The following AGAP1 variants were observed in gnomAD, a reference collection of about 807,000 sequenced individuals.
AGAP1 encodes arf-GAP with GTPase, ANK repeat and PH domain-containing protein 1.
AGAP1 carries 29 observed loss-of-function variants against 105.3 expected under a neutral mutation model. The observed-to-expected ratio is 0.28, with a 90% CI of 0.21 to 0.38. The LOEUF is 0.38. Ranked by LOEUF, AGAP1 falls within the 10% of genes least tolerant of loss-of-function variation. The pLI, the probability that AGAP1 is intolerant of heterozygous loss-of-function variation, is 1.00. For missense variants in AGAP1, 998 were observed against 1,165.1 expected, an observed-to-expected ratio of 0.86 and a Z score of 2.09; for synonymous variants, 509 against 485.9, an observed-to-expected ratio of 1.05 and a Z score of -0.63.
intron 12 of AGAP1, among the ~76,000 whole-genome samples, chr2:235,938,641 C>T (rs186393961): frequency 2.6e-5 from 4 of 152,276 alleles, no homozygotes; most frequent in Admixed American, 6.5e-5. Flanking sequence ...TCTGCAGAAA[C>T]GCTGTCAAGA....
Position 235,692,670 on chromosome 2 carries a change from T to TC in AGAP1, c.164-16508dup, listed in dbSNP as rs1401147190. Among the ~76,000 whole-genome samples, 1 of 151,782 alleles carries TC rather than the reference T, an allele frequency of 6.6e-6. No homozygotes were observed. The highest frequency in any genetic ancestry group is 1.5e-5 in the Non-Finnish European group (1 of 67,964). On this transcript the variant is annotated intron_variant, in intron 1 of 17. Coordinates refer to ENST00000304032, the MANE Select transcript of AGAP1 (RefSeq NM_001037131.3). The surrounding 1 kb of genome is among the most constrained non-coding windows in gnomAD (Gnocchi z 5.8). The stretch of plus-strand genomic sequence containing the variant: ...ACCCTCAGCCCTCAGGCCCAGCACC[T>TC]CAGAGAAGCCGATGACTGACGTGCA...
At chr2:235,571,036 C>T (rs1944495570) in intron 1 of AGAP1, among the ~76,000 whole-genome samples, 1 of 152,178 alleles carries the variant, frequency 6.6e-6, no homozygotes. Flanking sequence ...TGGCGGAAGG[C>T]AAAGGGGAAG....
At chr2:235,560,345 A>C in intron 1 of AGAP1, among the ~76,000 whole-genome samples, 1 of 150,682 alleles carries the variant, frequency 6.6e-6, no homozygotes, top group African/African-American at 2.4e-5. Context: ...TCCCGTCTCC[A>C]TCCCTCCCTC....
intron 16 of AGAP1, among the ~76,000 whole-genome samples, chr2:236,081,403 G>A (rs1445893842): frequency 6.6e-6 from 1 of 152,226 alleles, no homozygotes; most frequent in Non-Finnish European, 1.5e-5. Flanking sequence ...GAACCGCGCT[G>A]CATTTGGACG....
At position 235,874,607 on chromosome 2, in the gene AGAP1, A is replaced by T. The variant is rs1317257303; in HGVS notation, c.1051-8738A>T. Among the ~76,000 whole-genome samples the T allele has an allele frequency of 6.6e-6, 1 of 152,138 alleles. No individual in the cohort carries two copies. Among genetic ancestry groups the T allele is most frequent in the Non-Finnish European group, 1.5e-5 (1 of 68,022 alleles). On this transcript the variant is annotated intron_variant, in intron 9 of 17. Coordinates refer to ENST00000304032, the MANE Select transcript of AGAP1 (RefSeq NM_001037131.3). This position sits in a 1 kb window ranked among gnomAD's most constrained non-coding sequence, Gnocchi z 4.5. ...TGGGTGGGACTGGAGTGAGCTCAAG[A>T]TTCTGTGCAGGCCTCACTTGGATCA...
chr2:235,770,223 G>T (rs931913625), intron 6 of AGAP1, among the ~76,000 whole-genome samples: 2 of 151,486 alleles, frequency 1.3e-5, no homozygotes, highest in Admixed American at 6.6e-5. Context: ...CGCTCCCCGG[G>T]TTCATGCCAT....
chr2:235,684,593 T>G (rs1372298479), intron 1 of AGAP1, among the ~76,000 whole-genome samples: 2 of 152,318 alleles, frequency 1.3e-5, no homozygotes, highest in East Asian at 3.9e-4. Context: ...GAGCAGTGTC[T>G]TAGAAATGAG....
chr2:236,047,645 G>A (rs13415965), intron 15 of AGAP1, among the ~76,000 whole-genome samples: 10,818 of 120,988 alleles, frequency 0.089, 1,755 homozygotes, highest in African/African-American at 0.33. Context: ...TGTCACCCAG[G>A]CTGGAGTGCA....
In AGAP1 at chr2:235,552,611, C is replaced by T. The variant is rs1016347128; in HGVS notation, c.163+57762C>T. ...TCCCATTGGCCAGGCACTGGGGATG[C>T]GGCGTATGGGCAGGTGCACACACAC... On this transcript the variant is annotated intron_variant, in intron 1 of 17. Transcript: ENST00000304032. The surrounding 1 kb of genome is among the most constrained non-coding windows in gnomAD (Gnocchi z 5.9). 2.6e-5 allele frequency among the ~76,000 whole-genome samples: 4 copies of T among 152,108 alleles called. No individual in the cohort carries two copies. Among genetic ancestry groups the T allele is most frequent in the South Asian group, 4.2e-4 (2 of 4,814 alleles).
chr2:235,873,967 A>C (rs1461346023), intron 9 of AGAP1, among the ~76,000 whole-genome samples: 1 of 152,130 alleles, frequency 6.6e-6, no homozygotes, highest in Non-Finnish European at 1.5e-5. Flanking sequence ...GGACTCACAC[A>C]GTCCCCTCGC....
chr2:236,011,329 T>G (rs180946109), intron 13 of AGAP1, among the ~76,000 whole-genome samples: 1 of 152,312 alleles, frequency 6.6e-6, no homozygotes, highest in East Asian at 1.9e-4. Flanking sequence ...CAGACTAAAG[T>G]GAGAAGAGAT....
Position 235,883,465 on chromosome 2 carries a change from T to C in AGAP1, c.1155+16T>C, listed in dbSNP as rs748258407. 6.2e-6 allele frequency: 10 copies of C among 1,601,560 alleles called. No homozygotes were observed. The highest frequency in any genetic ancestry group is 8.5e-6 in the Non-Finnish European group (10 of 1,169,728). On this transcript the variant is annotated intron_variant, in intron 10 of 17. Transcript: ENST00000304032. The surrounding 1 kb of genome is among the most constrained non-coding windows in gnomAD (Gnocchi z 4.5). ...CAGTTTACATGTGAGTATAGCCCCC[T>C]CGGAGCAATTAACAGCTGCAGACCT...
Position 235,983,623 on chromosome 2 carries a change from C to CT in AGAP1, c.1645+15000_1645+15001insT, listed in dbSNP as rs2055186415. On this transcript the variant is annotated intron_variant, in intron 13 of 17. Coordinates refer to ENST00000304032, the MANE Select transcript of AGAP1 (RefSeq NM_001037131.3). The surrounding 1 kb of genome is among the most constrained non-coding windows in gnomAD (Gnocchi z 4.5). ...GGACCAAGTAATGTGATGGTGGTCC[C>CT]ATGAGATTATAATACCGTGTCCTTA... Among the ~76,000 whole-genome samples the CT allele has an allele frequency of 6.6e-6, 1 of 152,128 alleles. No homozygotes were observed. Among genetic ancestry groups the CT allele is most frequent in the South Asian group, 2.1e-4 (1 of 4,828 alleles).
chr2:235,957,160 C>G lies in AGAP1; in HGVS notation c.1484-11302C>G, dbSNP rs2053986372. On this transcript the variant is annotated intron_variant, in intron 12 of 17. Coordinates refer to ENST00000304032, the MANE Select transcript of AGAP1 (RefSeq NM_001037131.3). The surrounding 1 kb of genome is among the most constrained non-coding windows in gnomAD (Gnocchi z 4.6). Reference sequence around the variant, plus strand: ...GAAACTCTGTTCTTGAATTGGTGGTCAGAATATGTACTTTTTTCTTTGTAA... The same window carrying G: ...GAAACTCTGTTCTTGAATTGGTGGTGAGAATATGTACTTTTTTCTTTGTAA... Among the ~76,000 whole-genome samples, 1 of 152,166 alleles carries G rather than the reference C, an allele frequency of 6.6e-6. No homozygotes were observed. The highest frequency in any genetic ancestry group is 2.1e-4 in the South Asian group (1 of 4,826).
rs1235260123 is a variant in AGAP1, at chr2:235,494,556, C to T, written c.-131C>T. 6.1e-6 allele frequency: 1 copy of T among 163,358 alleles called. No homozygotes were observed. The highest frequency in any genetic ancestry group is 6.9e-5 in the Admixed American group (1 of 14,558). The allele number at this position is 163,358 out of a possible 1,614,324, so 10.1% of individuals were successfully genotyped here. A position where few individuals can be genotyped will look rare whatever the true frequency, so the allele number is the denominator to read the frequency against. ...CTCCGCCCGCGCCTTTCTTCTCGCG[C>T]CTCCTCCGCCCGCCGCCGGCGGGCC... On this transcript the variant is annotated 5_prime_UTR_variant, in exon 1 of 18. Transcript: ENST00000304032.
chr2:235,952,181 A>T (rs2053765658), intron 12 of AGAP1, among the ~76,000 whole-genome samples: 1 of 152,148 alleles, frequency 6.6e-6, no homozygotes, highest in South Asian at 2.1e-4. Flanking sequence ...GAATGGGCTG[A>T]TAATATCTAG....
intron 10 of AGAP1, among the ~76,000 whole-genome samples, chr2:235,895,699 TTGGATGGATGGATGGA>T (rs113317282): frequency 2.9e-4 from 34 of 118,908 alleles, no homozygotes; most frequent in Non-Finnish European, 5.1e-4. Flanking sequence ...CACTGGCTTG[TTGGATGGATGGATGGA>T]TGGATGGATG....
chr2:235,650,178 A>G (rs1180643705), intron 1 of AGAP1, among the ~76,000 whole-genome samples: 1 of 152,166 alleles, frequency 6.6e-6, no homozygotes, highest in African/African-American at 2.4e-5. Context: ...CCTGCCCAAC[A>G]TGAAGAACCC....
At position 235,669,634 on chromosome 2, in the gene AGAP1, GCCCGCCA is replaced by G. The variant is rs547526665; in HGVS notation, c.164-39534_164-39528del. 11 of 148,092 alleles carry G rather than the reference GCCCGCCA, an allele frequency of 7.4e-5. No homozygotes were observed. In the South Asian group the frequency reaches 1.1e-3, roughly 14 times the overall value. The allele number at this position is 148,092 out of a possible 1,614,324, so 9.2% of individuals were successfully genotyped here. ...TTTCCATTTTAAACCGCCGCCCGCCGCCCGCCACCCGCCACCCTTCGGCCGCAGCCGG... is the reference window on the plus strand; with the variant it reads ...TTTCCATTTTAAACCGCCGCCCGCCGCCCGCCACCCTTCGGCCGCAGCCGG... On this transcript the variant is annotated intron_variant, in intron 1 of 17. Transcript: ENST00000304032.
Sources: allele counts gnomAD v4.1 joint callset (sites outside exome capture counted in the v4.1 genomes callset), GRCh38; gene constraint gnomAD v4.1.1; non-coding constraint Gnocchi (gnomAD v3.1); transcripts MANE v1.5; gene names NCBI Gene and HGNC (gene_info 2026-07-23, HGNC 2026-07-21).